Variants in RIPK1 observed in about 807,000 individuals in gnomAD.
RIPK1 encodes receptor-interacting serine/threonine-protein kinase 1.
RIPK1 carries 27 observed loss-of-function variants against 62.4 expected under a neutral mutation model. The observed-to-expected ratio is 0.43, with a 90% CI of 0.32 to 0.60. RIPK1 has a LOEUF of 0.60. Ranked by LOEUF, RIPK1 falls within the 20% of genes least tolerant of loss-of-function variation. RIPK1 has a pLI of 0.07. For synonymous variants in RIPK1, 287 were observed against 303.2 expected (o/e 0.95, Z 0.55); for missense variants, 735 against 831.0 (o/e 0.88, Z 1.42).
chr6:3,081,879 A>T (rs1759405908), intron 4 of RIPK1, among the ~76,000 whole-genome samples: 5 of 135,114 alleles, frequency 3.7e-5, no homozygotes, highest in African/African-American at 1.6e-4. Context: ...AAAAAAAAAA[A>T]AAAAAAAAAA....
intron 1 of RIPK1, 114 bp downstream of exon 1, chr6:3,068,775 C>G: frequency 1.7e-6 from 1 of 592,692 alleles, no homozygotes; most frequent in Non-Finnish European, 2.1e-6. Context: ...GCAAGGCTGC[C>G]GCGGCGTCGG....
intron 1 of RIPK1, among the ~76,000 whole-genome samples, chr6:3,073,787 G>A (rs9501918): frequency 0.31 from 47,189 of 151,906 alleles, 7,449 homozygotes; most frequent in Middle Eastern, 0.38. Flanking sequence ...AGTTTCCAGA[G>A]TCCCCTCTCC....
In RIPK1 at chr6:3,072,842, T is replaced by C. The variant is rs1402699277; in HGVS notation, c.-60-3922T>C. On this transcript the variant is annotated intron_variant, in intron 1 of 10. Transcript: ENST00000259808. The surrounding 1 kb of genome is among the most constrained non-coding windows in gnomAD (Gnocchi z 5.6). ...ATGGGGAAGGCTTCACAGTTCTGCC[T>C]GCTCCAGTGATGTGTAGTGAATGAA... Among the ~76,000 whole-genome samples the C allele has an allele frequency of 1.3e-5, 2 of 152,196 alleles. No homozygotes were observed. The highest frequency in any genetic ancestry group is 2.9e-5 in the Non-Finnish European group (2 of 68,032).
chr6:3,096,977 TCTC>T (rs971844944), intron 7 of RIPK1, among the ~76,000 whole-genome samples: 1 of 152,044 alleles, frequency 6.6e-6, no homozygotes, highest in Admixed American at 6.5e-5. Flanking sequence ...TTCAAGCAAT[TCTC>T]CTACCTCAGC....
Position 3,085,322 on chromosome 6 carries a change from A to C in RIPK1, c.752A>C (p.Asp251Ala). The C allele has an allele frequency of 6.2e-7, 1 of 1,614,232 alleles. No individual in the cohort carries two copies. The highest frequency in any genetic ancestry group is 8.5e-7 in the Non-Finnish European group (1 of 1,180,010). The change falls in exon 6 of 11, where the codon GAC (aspartate) becomes GCC (alanine). Residue 251 changes from aspartate (D) to alanine (A), a missense_variant. Asp to Ala is a moderately radical substitution (Grantham distance 126). Around this residue, in one of 2 missense-constraint regions of RIPK1, gnomAD observed 671 missense variants for 726.2 expected, o/e 0.92. Transcript: ENST00000259808. ...TCTGGGAACAGGCCAGATGTGGATG[A>C]CATCACTGAGTACTGCCCAAGAGAA... ...IKSGNRPDVD[D>A]ITEYCPREII...
Position 3,085,398 on chromosome 6 carries a change from G to T in RIPK1, c.828G>T (p.Pro276=). The T allele has an allele frequency of 6.2e-7, 1 of 1,614,144 alleles. No homozygotes were observed. Among genetic ancestry groups the T allele is most frequent in the South Asian group, 1.1e-5 (1 of 91,070 alleles). Residue 276 remains proline (P), a synonymous_variant, in exon 6 of 11, where the codon CCG becomes CCT. Coordinates refer to ENST00000259808, the MANE Select transcript of RIPK1 (RefSeq NM_001354930.2). ...LCWEANPEAR[P]TFPGIEEKFR... Reference sequence around the variant, plus strand: ...GGGAAGCGAATCCGGAAGCTCGGCCGACATTTCCTGGTAAGAGCATCTTTT... The same window carrying T: ...GGGAAGCGAATCCGGAAGCTCGGCCTACATTTCCTGGTAAGAGCATCTTTT...
chr6:3,085,439 G>A (rs371365787), intron 6 of RIPK1, 31 bp downstream of exon 6: 13 of 1,609,130 alleles, frequency 8.1e-6, no homozygotes, highest in African/African-American at 2.7e-5. Flanking sequence ...TGTGTAGGAT[G>A]CATCCTGTGT....
At chr6:3,066,513 T>C (rs1016996544), upstream of RIPK1, among the ~76,000 whole-genome samples, 10 of 152,194 alleles carry the variant, frequency 6.6e-5, no homozygotes, top group African/African-American at 2.4e-4. Context: ...TAGCTCTGCC[T>C]TTCGTCTTTT....
chr6:3,106,076 A>G, intron 9 of RIPK1, 25 bp downstream of exon 9: 1 of 1,495,680 alleles, frequency 6.7e-7, no homozygotes. Flanking sequence ...GATAGTCACA[A>G]GCTTGTCTTT....
chr6:3,071,499 T>C (rs941904957), intron 1 of RIPK1, among the ~76,000 whole-genome samples: 11 of 152,212 alleles, frequency 7.2e-5, no homozygotes, highest in African/African-American at 2.4e-4. Context: ...TGTCACTCTG[T>C]GTCATGGCTT....
chr6:3,103,539 G>A (rs1384934595), intron 7 of RIPK1, among the ~76,000 whole-genome samples: 1 of 151,926 alleles, frequency 6.6e-6, no homozygotes, highest in Non-Finnish European at 1.5e-5. Context: ...TGACCTCATG[G>A]GATCCACCTG....
chr6:3,110,875 GTGGGACGAGTTCATCACTAC>G lies in RIPK1; in HGVS notation c.1651_1670del (p.Gly551ArgfsTer14). The G allele has an allele frequency of 6.2e-7, 1 of 1,608,196 alleles. No homozygotes were observed. The highest frequency in any genetic ancestry group is 8.5e-7 in the Non-Finnish European group (1 of 1,174,662). On this transcript the variant is annotated frameshift_variant, in exon 10 of 11. Coordinates refer to ENST00000259808, the MANE Select transcript of RIPK1 (RefSeq NM_001354930.2). LOFTEE classifies it high-confidence loss of function. ...GGAGCCTACAATTATATGGAGATTG[GTGGGACGAGTTCATCACTAC>G]TAGACAGCACAAATACGAACTTCAA...
At chr6:3,089,721 A>G (rs1293192885) in intron 7 of RIPK1, 64 bp downstream of exon 7, 10 of 905,960 alleles carry the variant, frequency 1.1e-5, no homozygotes, top group African/African-American at 1.7e-5. Context: ...AATCATGAAA[A>G]CCAAAACAAA....
At position 3,072,995 on chromosome 6, in the gene RIPK1, T is replaced by A. The variant is rs1252274165; in HGVS notation, c.-60-3769T>A. On this transcript the variant is annotated intron_variant, in intron 1 of 10. Coordinates refer to ENST00000259808, the MANE Select transcript of RIPK1 (RefSeq NM_001354930.2). The surrounding 1 kb of genome is among the most constrained non-coding windows in gnomAD (Gnocchi z 5.6). ...ATCCCAGCTGAGAATGTTGGCATTC[T>A]CAAAGCCCAAGGAAACAACACCCGT... 6.6e-6 allele frequency among the ~76,000 whole-genome samples: 1 copy of A among 152,066 alleles called. No individual in the cohort carries two copies. Among genetic ancestry groups the A allele is most frequent in the Non-Finnish European group, 1.5e-5 (1 of 68,006 alleles).
In RIPK1 at chr6:3,090,055, C is replaced by T. The variant is rs567497291; in HGVS notation, c.915+398C>T. Among the ~76,000 whole-genome samples, 5 of 152,290 alleles carry T rather than the reference C, an allele frequency of 3.3e-5. No individual in the cohort carries two copies. In the South Asian group the frequency reaches 1.0e-3, roughly 32 times the overall value. Reference sequence around the variant, plus strand: ...GAGGAAGAAGTACCGGAGGGGCAGTCTTGGGTCAGTGTGCAGAAGCAACAG... The same window carrying T: ...GAGGAAGAAGTACCGGAGGGGCAGTTTTGGGTCAGTGTGCAGAAGCAACAG... On this transcript the variant is annotated intron_variant, in intron 7 of 10. Transcript: ENST00000259808.
rs111324668 is a variant in RIPK1 at position 3,101,700 on chromosome 6, G to C, written c.916-2525G>C. The stretch of plus-strand genomic sequence containing the variant: ...TCTTTGGGTGTAGGGCAAAACTATG[G>C]ATAGGTTTTAAGAATATATAATTTT... On this transcript the variant is annotated intron_variant, in intron 7 of 10. Transcript: ENST00000259808. 5.3e-3 allele frequency among the ~76,000 whole-genome samples: 801 copies of C among 152,162 alleles called. 7 individuals are homozygous for C. The highest frequency in any genetic ancestry group is 0.019 in the African/African-American group (784 of 41,518).
chr6:3,087,673 G>A lies in RIPK1; in HGVS notation c.839-1908G>A, dbSNP rs1561759125. ...TCCTGCCTCAGCCTCCCGAGTAGCT[G>A]GGACTACAGACACCCGCCACCACAC... On this transcript the variant is annotated intron_variant, in intron 6 of 10. Coordinates refer to ENST00000259808, the MANE Select transcript of RIPK1 (RefSeq NM_001354930.2). Among the ~76,000 whole-genome samples, 7 of 151,858 alleles carry A rather than the reference G, an allele frequency of 4.6e-5. No homozygotes were observed. In the South Asian group the frequency reaches 1.5e-3, roughly 32 times the overall value.
In RIPK1 at chr6:3,072,116, A is replaced by G. The variant is rs141592501; in HGVS notation, c.-61+3455A>G. On this transcript the variant is annotated intron_variant, in intron 1 of 10. Transcript: ENST00000259808. This position sits in a 1 kb window ranked among gnomAD's most constrained non-coding sequence, Gnocchi z 5.6. ...GTGTTTTACCTACTTTTGCTGTTCT[A>G]TGTAATGCTACCAGGAACAGCTTTG... is the stretch of plus-strand genomic sequence containing the variant. Among the ~76,000 whole-genome samples the G allele has an allele frequency of 1.5e-4, 23 of 152,328 alleles. No homozygotes were observed. The East Asian group carries it at 3.9e-3, about 26-fold the overall frequency.
chr6:3,087,660 C>T (rs187339031), intron 6 of RIPK1, among the ~76,000 whole-genome samples: 200 of 152,088 alleles, frequency 1.3e-3, no homozygotes, highest in African/African-American at 4.6e-3. Context: ...CTGCCTCAGC[C>T]TCCCGAGTAG....
Sources: gnomAD v4.1 joint callset for allele counts (sites outside exome capture counted in the v4.1 genomes callset) on GRCh38, gnomAD v4.1.1 for gene constraint, gnomAD v4.1.1 regional missense constraint, Gnocchi (gnomAD v3.1) non-coding constraint, MANE v1.5 for transcripts, NCBI Gene and HGNC (gene_info 2026-07-23, HGNC 2026-07-21) for gene names.